WWOX: variants seen among roughly 807,000 people sequenced by gnomAD.
The protein encoded by WWOX is WW domain-containing oxidoreductase.
WWOX carries 69 observed loss-of-function variants against 46.2 expected under a neutral mutation model. The ratio of observed to expected loss-of-function variants is 1.49; its 90% CI spans 1.23 to 1.82. The LOEUF (loss-of-function observed/expected upper bound fraction) is 1.82, where lower values mean the gene tolerates loss of function less well. Ranked by LOEUF, WWOX falls within the 40% of genes most tolerant of loss-of-function variation. The pLI is 0.00. For synonymous variants in WWOX, 359 were observed against 202.6 expected, an observed-to-expected ratio of 1.77 and a Z score of -6.56; for missense variants, 919 against 542.6, an observed-to-expected ratio of 1.69 and a Z score of -6.89.
intron 8 of WWOX, among the ~76,000 whole-genome samples, chr16:79,013,796 A>T (rs911290608): frequency 6.6e-6 from 1 of 152,080 alleles, no homozygotes; most frequent in Non-Finnish European, 1.5e-5. Context: ...TTTTTAGCCC[A>T]ATTGCCTCCT....
intron 8 of WWOX, among the ~76,000 whole-genome samples, chr16:79,103,516 A>G (rs1226332087): frequency 6.6e-6 from 1 of 152,118 alleles, no homozygotes; most frequent in Non-Finnish European, 1.5e-5. Flanking sequence ...TTAGCTGGAG[A>G]ACACCCGTTT....
chr16:78,267,347 T>G (rs1454915725), intron 5 of WWOX, among the ~76,000 whole-genome samples: 1 of 152,246 alleles, frequency 6.6e-6, no homozygotes, highest in East Asian at 1.9e-4. Context: ...ATTGCATGTT[T>G]TCTTGTTTTA....
chr16:78,435,891 T>A (rs1052438669), intron 8 of WWOX, among the ~76,000 whole-genome samples: 1 of 152,192 alleles, frequency 6.6e-6, no homozygotes, highest in Admixed American at 6.5e-5. Context: ...ATGATGGATA[T>A]AGAATTTCTG....
chr16:78,806,193 T>G lies in WWOX; in HGVS notation c.1056+373441T>G, dbSNP rs540574000. Among the ~76,000 whole-genome samples the G allele has an allele frequency of 4.6e-5, 7 of 152,338 alleles. No individual in the cohort carries two copies. In the South Asian group the frequency reaches 1.5e-3, roughly 32 times the overall value. On this transcript the variant is annotated intron_variant, in intron 8 of 8. Coordinates refer to ENST00000566780, the MANE Select transcript of WWOX (RefSeq NM_016373.4). ...ATAAGGCTTCCAAATTCTTGGTGTT[T>G]TTCTACAACCAAGACCTTGAACTTT...
intron 8 of WWOX, among the ~76,000 whole-genome samples, chr16:79,111,881 G>A (rs1053431078): frequency 6.6e-6 from 1 of 152,134 alleles, no homozygotes; most frequent in Non-Finnish European, 1.5e-5. Context: ...CTGAATTCCA[G>A]TCCTCAAGCT....
intron 8 of WWOX, among the ~76,000 whole-genome samples, chr16:78,660,899 C>G (rs755139531): frequency 3.3e-5 from 5 of 152,118 alleles, no homozygotes; most frequent in African/African-American, 4.8e-5. Context: ...TTATTTGGTA[C>G]CAGCACATGT....
At chr16:78,914,387 G>C (rs77054677) in intron 8 of WWOX, among the ~76,000 whole-genome samples, 2,883 of 152,118 alleles carry the variant, frequency 0.019, 90 homozygotes, top group African/African-American at 0.066. Flanking sequence ...AATATTTGCA[G>C]GTGAGTGAAT....
At chr16:78,946,834 A>G (rs978388495) in intron 8 of WWOX, among the ~76,000 whole-genome samples, 1 of 152,174 alleles carries the variant, frequency 6.6e-6, no homozygotes, top group African/African-American at 2.4e-5. Flanking sequence ...AGCAAGGACA[A>G]GAGGGCGTCA....
At chr16:78,231,730 A>G (rs2037271712) in intron 5 of WWOX, among the ~76,000 whole-genome samples, 1 of 152,212 alleles carries the variant, frequency 6.6e-6, no homozygotes, top group Non-Finnish European at 1.5e-5. Flanking sequence ...GAGTGGAACA[A>G]AATACGAACT....
intron 5 of WWOX, among the ~76,000 whole-genome samples, chr16:78,196,502 C>G (rs1759412547): frequency 6.6e-6 from 1 of 152,186 alleles, no homozygotes; most frequent in African/African-American, 2.4e-5. Flanking sequence ...TTTGTAACCA[C>G]ATTAATTACC....
At chr16:78,537,691 G>A (rs1002426131) in intron 8 of WWOX, among the ~76,000 whole-genome samples, 5 of 152,118 alleles carry the variant, frequency 3.3e-5, no homozygotes, top group South Asian at 2.1e-4. Context: ...TAGAGCCAGG[G>A]TCCCAGCTGC....
chr16:78,989,481 C>A (rs992919015), intron 8 of WWOX, among the ~76,000 whole-genome samples: 9 of 152,188 alleles, frequency 5.9e-5, no homozygotes, highest in Non-Finnish European at 1.3e-4. Context: ...GATCCCTGTC[C>A]ATAGCGCCCA....
At chr16:78,196,943 C>G (rs1597340267) in intron 5 of WWOX, among the ~76,000 whole-genome samples, 1 of 152,204 alleles carries the variant, frequency 6.6e-6, no homozygotes, top group Non-Finnish European at 1.5e-5. Flanking sequence ...ATTCTCATCT[C>G]CTTGTTTCCT....
At chr16:79,010,181 G>C (rs1172650460) in intron 8 of WWOX, among the ~76,000 whole-genome samples, 2 of 152,302 alleles carry the variant, frequency 1.3e-5, no homozygotes, top group East Asian at 3.9e-4. Context: ...TTATTTACAA[G>C]GCTGGCTTCC....
chr16:78,239,663 T>A (rs2037566924), intron 5 of WWOX, among the ~76,000 whole-genome samples: 1 of 152,046 alleles, frequency 6.6e-6, no homozygotes, highest in African/African-American at 2.4e-5. Context: ...GTCTCCTGAG[T>A]AGGTGGGTCT....
At chr16:79,141,821 G>A (rs1263740605) in intron 8 of WWOX, among the ~76,000 whole-genome samples, 2 of 152,118 alleles carry the variant, frequency 1.3e-5, no homozygotes, top group African/African-American at 4.8e-5. Flanking sequence ...CGGAGGGCCA[G>A]AAGGAAGCAG....
intron 5 of WWOX, among the ~76,000 whole-genome samples, chr16:78,279,005 G>A (rs1279254464): frequency 3.3e-5 from 5 of 152,088 alleles, no homozygotes; most frequent in South Asian, 2.1e-4. Flanking sequence ...ATGCTAGCTC[G>A]TTACTTGGGA....
At chr16:78,536,693 CTGA>C in intron 8 of WWOX, among the ~76,000 whole-genome samples, 1 of 152,106 alleles carries the variant, frequency 6.6e-6, no homozygotes, top group East Asian at 1.9e-4. Context: ...AGTGTGGTCT[CTGA>C]TGCTGATCAT....
At chr16:78,676,674 A>C (rs752627623) in intron 8 of WWOX, among the ~76,000 whole-genome samples, 10 of 152,172 alleles carry the variant, frequency 6.6e-5, no homozygotes, top group Non-Finnish European at 1.3e-4. Flanking sequence ...CTGAGTGAAG[A>C]AACATTGCTT....
Sources: allele counts gnomAD v4.1 joint callset (sites outside exome capture counted in the v4.1 genomes callset), GRCh38; gene constraint gnomAD v4.1.1; transcripts MANE v1.5; gene names NCBI Gene and HGNC (gene_info 2026-07-23, HGNC 2026-07-21).